The following SLC36A4 variants were observed in gnomAD, a reference collection of about 807,000 sequenced individuals.
SLC36A4 encodes neutral amino acid uniporter 4.
A neutral mutation model predicts 50.5 loss-of-function variants in SLC36A4; 49 were observed. The observed-to-expected ratio is 0.97, with a 90% CI of 0.77 to 1.23. The LOEUF (loss-of-function observed/expected upper bound fraction) is 1.23. Among genes scored for constraint, SLC36A4 ranks in the 50% most tolerant of loss-of-function variants. The pLI, the probability that SLC36A4 is intolerant of heterozygous loss-of-function variation, is 0.00. For synonymous variants in SLC36A4, 207 were observed against 206.5 expected (o/e 1.00, Z -0.02); for missense variants, 611 against 608.4 (o/e 1.00, Z -0.05).
At chr11:93,192,223 AAAG>A (rs2134713532) in intron 1 of SLC36A4, among the ~76,000 whole-genome samples, 1 of 152,310 alleles carries the variant, frequency 6.6e-6, no homozygotes, top group East Asian at 1.9e-4. Flanking sequence ...GTGGCATTTC[AAAG>A]AAGTCCTGAC....
At chr11:93,195,707 A>T in intron 1 of SLC36A4, among the ~76,000 whole-genome samples, 1 of 151,668 alleles carries the variant, frequency 6.6e-6, no homozygotes, top group African/African-American at 2.4e-5. Context: ...CACCTCCATC[A>T]CTCTGCTTCA....
At chr11:93,165,449 T>A (rs1860816761) in intron 8 of SLC36A4, among the ~76,000 whole-genome samples, 1 of 152,174 alleles carries the variant, frequency 6.6e-6, no homozygotes, top group African/African-American at 2.4e-5. Context: ...CATCCAACTT[T>A]TTATATAGCA....
chr11:93,154,131 C>T lies in SLC36A4; in HGVS notation c.1184G>A (p.Arg395Lys). The T allele has an allele frequency of 6.5e-7, 1 of 1,544,518 alleles. No individual in the cohort carries two copies. The highest frequency in any genetic ancestry group is 8.7e-7 in the Non-Finnish European group (1 of 1,147,152). The change falls in exon 10 of 11, where the codon AGA becomes AAA. Residue 395 changes from arginine (R) to lysine (K), a missense_variant. Coordinates refer to ENST00000326402, the MANE Select transcript of SLC36A4 (RefSeq NM_152313.4). ...KWKQICEFGI[R>K]SFLVSITCAG... ...ACAAGTAATACTAACCAAGAAGGAT[C>T]TTATCCCAAATTCACAGATTTGCTT...
At chr11:93,177,255 G>C (rs1861521351) in intron 6 of SLC36A4, among the ~76,000 whole-genome samples, 1 of 152,116 alleles carries the variant, frequency 6.6e-6, no homozygotes, top group African/African-American at 2.4e-5. Context: ...ACTGAAGCTT[G>C]TGAATGTGTC....
At chr11:93,160,053 A>G in intron 9 of SLC36A4, 1 of 985,414 alleles carries the variant, frequency 1.0e-6, no homozygotes, top group Non-Finnish European at 1.2e-6. Flanking sequence ...AGAGACTCGT[A>G]TATAGTATAT....
Position 93,145,213 on chromosome 11 carries a change from T to A in SLC36A4, c.*3324A>T, listed in dbSNP as rs913398217. On this transcript the variant is annotated 3_prime_UTR_variant, in exon 11 of 11. Coordinates refer to ENST00000326402, the MANE Select transcript of SLC36A4 (RefSeq NM_152313.4). Reference sequence around the variant, plus strand: ...TTAAAGAGATTTTACATAACTACTATGAAACTACTAAGATTAGACACTGTT... The same window carrying A: ...TTAAAGAGATTTTACATAACTACTAAGAAACTACTAAGATTAGACACTGTT... 1 of 152,074 alleles carries A rather than the reference T, an allele frequency of 6.6e-6. No homozygotes were observed. The highest frequency in any genetic ancestry group is 2.4e-5 in the African/African-American group (1 of 41,442). 9.4% of individuals were successfully genotyped at this position (152,074 alleles called of 1,614,324 possible). A position where few individuals can be genotyped will look rare whatever the true frequency, so the allele number is the denominator to read the frequency against.
chr11:93,194,516 T>G (rs1862341742), intron 1 of SLC36A4, among the ~76,000 whole-genome samples: 2 of 152,202 alleles, frequency 1.3e-5, no homozygotes, highest in Admixed American at 6.5e-5. Flanking sequence ...TTACATACCT[T>G]ACGAGAACCT....
At chr11:93,172,047 G>C (rs1186332935) in intron 6 of SLC36A4, 2 of 151,864 alleles carry the variant, frequency 1.3e-5, no homozygotes, top group Non-Finnish European at 2.9e-5. Flanking sequence ...GTGTCTGATG[G>C]TTTACAGATT....
In SLC36A4 at chr11:93,149,889, A is replaced by G. The variant is rs533501294; in HGVS notation, c.1208-1045T>C. ...TACTGTGATTATGGAAGCTGTGAAC[A>G]TCAGAGGAAGCTGAGTAGAGGTTTA... On this transcript the variant is annotated intron_variant, in intron 10 of 10. Coordinates refer to ENST00000326402, the MANE Select transcript of SLC36A4 (RefSeq NM_152313.4). Among the ~76,000 whole-genome samples, 4 of 152,168 alleles carry G rather than the reference A, an allele frequency of 2.6e-5. 1 individual carries two copies. The highest frequency in any genetic ancestry group is 9.6e-5 in the African/African-American group (4 of 41,562).
At chr11:93,166,761 T>A (rs1860886117) in intron 7 of SLC36A4, 1 of 152,156 alleles carries the variant, frequency 6.6e-6, no homozygotes, top group Non-Finnish European at 1.5e-5. Flanking sequence ...CAAGGCCAAG[T>A]AAAAAGAATG....
chr11:93,177,778 C>T (rs1488114589), intron 6 of SLC36A4, among the ~76,000 whole-genome samples: 2 of 152,164 alleles, frequency 1.3e-5, no homozygotes, highest in Non-Finnish European at 2.9e-5. Flanking sequence ...TATCAGTTGG[C>T]CCCTACTGGG....
chr11:93,145,304 A>C lies in SLC36A4; in HGVS notation c.*3233T>G, dbSNP rs1310099239. 2 of 152,122 alleles carry C rather than the reference A, an allele frequency of 1.3e-5. No individual in the cohort carries two copies. The highest frequency in any genetic ancestry group is 4.8e-5 in the African/African-American group (2 of 41,462). 9.4% of individuals were successfully genotyped at this position (152,122 alleles called of 1,614,324 possible). A position where few individuals can be genotyped will look rare whatever the true frequency, so the allele number is the denominator to read the frequency against. On this transcript the variant is annotated 3_prime_UTR_variant, in exon 11 of 11. Coordinates refer to ENST00000326402, the MANE Select transcript of SLC36A4 (RefSeq NM_152313.4). ...AATATGTAAGTGCATTTTCCAGGCA[A>C]GATGCAGAAATCATTTTAATAACGG...
chr11:93,162,844 G>A lies in SLC36A4; in HGVS notation c.899C>T (p.Ser300Leu). 1 of 1,612,812 alleles carries A rather than the reference G, an allele frequency of 6.2e-7. No individual in the cohort carries two copies. ...ATTCAACGCTTGAGGGAAACGCTTT[G>A]ATTCTTTCATTTGGTTTTCCAGTGG... ...VLPLENQMKESKRFPQALNIG... is the reference protein window; with the variant it reads ...VLPLENQMKELKRFPQALNIG... Residue 300 changes from serine (S) to leucine (L), a missense_variant, in exon 9 of 11, where the codon TCA (serine) becomes TTA (leucine). Coordinates refer to ENST00000326402, the MANE Select transcript of SLC36A4 (RefSeq NM_152313.4).
At chr11:93,160,478 G>A (rs1860569218) in intron 9 of SLC36A4, 1 of 985,200 alleles carries the variant, frequency 1.0e-6, no homozygotes, top group Admixed American at 6.2e-5. Flanking sequence ...GAAAGTCACA[G>A]CAATTAGGAA....
chr11:93,190,827 G>C (rs1281814401), intron 1 of SLC36A4, among the ~76,000 whole-genome samples: 3 of 152,064 alleles, frequency 2.0e-5, no homozygotes, highest in African/African-American at 7.2e-5. Context: ...CCGCCTCCCA[G>C]TAAATACATT....
At chr11:93,197,651 G>C in intron 1 of SLC36A4, 127 bp downstream of exon 1, 1 of 1,022,518 alleles carries the variant, frequency 9.8e-7, no homozygotes, top group South Asian at 1.5e-5. Context: ...GCTGACCACG[G>C]GGTCAGTTAG....
rs1251070141 is a variant in SLC36A4, at chr11:93,197,919, T to C, written c.-87A>G. Reference sequence around the variant, plus strand: ...GCGTCAGGCCCAGGCCTACCTCCCCTGCCCGGAGGGACCCGCGCCTGGTGC... The same window carrying C: ...GCGTCAGGCCCAGGCCTACCTCCCCCGCCCGGAGGGACCCGCGCCTGGTGC... On this transcript the variant is annotated 5_prime_UTR_variant, in exon 1 of 11. Coordinates refer to ENST00000326402, the MANE Select transcript of SLC36A4 (RefSeq NM_152313.4). 3.0e-5 allele frequency: 40 copies of C among 1,311,674 alleles called. No individual in the cohort carries two copies. Among genetic ancestry groups the C allele is most frequent in the Non-Finnish European group, 3.4e-5 (34 of 1,004,900 alleles). The allele number at this position is 1,311,674 out of a possible 1,614,324, so 81.3% of individuals were successfully genotyped here.
At chr11:93,174,813 C>G (rs201717775) in intron 6 of SLC36A4, among the ~76,000 whole-genome samples, 15,287 of 114,066 alleles carry the variant, frequency 0.13, 1,118 homozygotes, top group Middle Eastern at 0.26. Flanking sequence ...TGATCATGGT[C>G]GATAAGCTTT....
At chr11:93,173,846 G>A (rs1861312631) in intron 6 of SLC36A4, among the ~76,000 whole-genome samples, 2 of 132,288 alleles carry the variant, frequency 1.5e-5, no homozygotes, top group African/African-American at 5.7e-5. Context: ...TTTGGTTACT[G>A]TAGCCTTGTA....
Sources: gnomAD v4.1 joint callset for allele counts (sites outside exome capture counted in the v4.1 genomes callset) on GRCh38, gnomAD v4.1.1 for gene constraint, MANE v1.5 for transcripts, NCBI Gene and HGNC (gene_info 2026-07-23, HGNC 2026-07-21) for gene names.